Variants in LOC128125822 observed in about 807,000 individuals in gnomAD.
the LOC128125822 span, chr6:63,581,531 TC>T: frequency 6.6e-6 from 1 of 152,376 alleles, no homozygotes; most frequent in African/African-American, 2.4e-5. Flanking sequence ...ATGTGTGTCC[TC>T]ATCTTTTTAC....
chr6:63,577,993 A>G, the LOC128125822 span, among the ~76,000 whole-genome samples: 1 of 151,614 alleles, frequency 6.6e-6, no homozygotes, highest in East Asian at 1.9e-4. Context: ...CATTCAATGT[A>G]AATCAGTAAA....
chr6:63,581,029 T>C, the LOC128125822 span: 1 of 152,230 alleles, frequency 6.6e-6, no homozygotes, highest in African/African-American at 2.4e-5. Context: ...AATATTTTTT[T>C]AAAAGGTAGA....
the LOC128125822 span, among the ~76,000 whole-genome samples, chr6:63,577,247 C>G: frequency 2.6e-5 from 4 of 152,100 alleles, no homozygotes; most frequent in African/African-American, 7.3e-5. Flanking sequence ...TCTTACTTAT[C>G]TTGTAAGAAA....
At chr6:63,583,389 A>T in the LOC128125822 span, 234 of 152,328 alleles carry the variant, frequency 1.5e-3, 1 homozygote, top group African/African-American at 5.1e-3. Flanking sequence ...TTTAAAAGTG[A>T]CATTTAATGT....
At chr6:63,579,561 G>T in the LOC128125822 span, among the ~76,000 whole-genome samples, 2 of 152,112 alleles carry the variant, frequency 1.3e-5, no homozygotes, top group Non-Finnish European at 2.9e-5. Flanking sequence ...TTAAATACTT[G>T]ATTGAATATG....
chr6:63,576,245 G>A, the LOC128125822 span, among the ~76,000 whole-genome samples: 1 of 151,708 alleles, frequency 6.6e-6, no homozygotes, highest in Non-Finnish European at 1.5e-5. Flanking sequence ...CTATCTGACT[G>A]CTTGTTTTAT....
chr6:63,578,506 G>A, the LOC128125822 span: 1 of 1,611,982 alleles, frequency 6.2e-7, no homozygotes. Context: ...TACTCTTGTG[G>A]AGAAAGAAGG....
the LOC128125822 span, chr6:63,572,838 C>T: frequency 2.5e-5 from 10 of 394,820 alleles, no homozygotes; most frequent in African/African-American, 1.9e-4. Context: ...GTTGCGGTTC[C>T]GGTGGGTCCC....
chr6:63,581,541 A>G, the LOC128125822 span: 3 of 152,452 alleles, frequency 2.0e-5, no homozygotes, highest in South Asian at 6.2e-4. Flanking sequence ...TCATCTTTTT[A>G]CAAATAAATG....
At chr6:63,573,396 G>C in the LOC128125822 span, 1 of 152,404 alleles carries the variant, frequency 6.6e-6, no homozygotes, top group African/African-American at 2.4e-5. Context: ...ACTGGGTGCA[G>C]CTACACTCTT....
At chr6:63,579,236 T>C in the LOC128125822 span, 1 of 1,579,104 alleles carries the variant, frequency 6.3e-7, no homozygotes, top group Non-Finnish European at 8.6e-7. Flanking sequence ...AAACTATTTA[T>C]CAAAATTCTT....
chr6:63,576,761 A>G, the LOC128125822 span: 2 of 749,356 alleles, frequency 2.7e-6, no homozygotes, highest in Non-Finnish European at 2.2e-6. Flanking sequence ...TTCATACTCA[A>G]AGCACTGAGA....
chr6:63,572,891 C>T, the LOC128125822 span, among the ~76,000 whole-genome samples: 1 of 152,064 alleles, frequency 6.6e-6, no homozygotes, highest in Admixed American at 6.5e-5. Context: ...CGGCCGATTG[C>T]GGCCGGCTGT....
chr6:63,572,523 G>C, the LOC128125822 span: 9 of 391,822 alleles, frequency 2.3e-5, no homozygotes, highest in East Asian at 2.5e-4. Flanking sequence ...GGCCGGCTCG[G>C]CTACGCGCTC....
chr6:63,576,996 A>G, the LOC128125822 span: 2 of 1,594,736 alleles, frequency 1.3e-6, no homozygotes, highest in Non-Finnish European at 1.7e-6. Context: ...GTAAGATTTG[A>G]TATGTTTTAG....
At chr6:63,582,185 A>G in the LOC128125822 span, 7 of 151,746 alleles carry the variant, frequency 4.6e-5, no homozygotes, top group Non-Finnish European at 8.8e-5. Flanking sequence ...TTTTAACCTG[A>G]GGTTTTGTTT....
the LOC128125822 span, chr6:63,579,445 A>G: frequency 1.4e-5 from 10 of 710,342 alleles, no homozygotes; most frequent in African/African-American, 3.8e-5. Context: ...TTGAGATAGT[A>G]TTAAAACCAG....
At chr6:63,579,468 T>C in the LOC128125822 span, 1 of 579,830 alleles carries the variant, frequency 1.7e-6, no homozygotes, top group African/African-American at 2.0e-5. Flanking sequence ...AATCAAGATC[T>C]TACATTCTTT....
chr6:63,583,142 T>A, the LOC128125822 span: 4 of 152,196 alleles, frequency 2.6e-5, no homozygotes, highest in African/African-American at 9.7e-5. Flanking sequence ...CTATTGGAGT[T>A]TCAGGAAATA....
Sources: gnomAD v4.1 joint callset for allele counts (sites outside exome capture counted in the v4.1 genomes callset) on GRCh38, gnomAD v4.1.1 for gene constraint, MANE v1.5 for transcripts.